The following CLPB variants were observed in gnomAD, a reference collection of about 807,000 sequenced individuals.
CLPB encodes the protein ClpB family mitochondrial disaggregase, also known as mitochondrial disaggregase.
In CLPB, 40 loss-of-function variants were observed where a neutral mutation model predicts 78.4. The observed-to-expected ratio is 0.51, with a 90% CI of 0.40 to 0.66. The LOEUF is 0.66. Ranked by LOEUF, CLPB falls within the 30% of genes least tolerant of loss-of-function variation. The pLI, the probability that CLPB is intolerant of heterozygous loss-of-function variation, is 0.00. For missense variants in CLPB, 780 were observed against 886.9 expected (o/e 0.88, Z 1.53); for synonymous variants, 333 against 348.0 (o/e 0.96, Z 0.48).
intron 6 of CLPB, among the ~76,000 whole-genome samples, chr11:72,322,725 T>G (rs75560361): frequency 0.028 from 4,191 of 152,238 alleles, 200 homozygotes; most frequent in African/African-American, 0.097. Context: ...GATCACTAGG[T>G]TAAGGTGGCG....
intron 4 of CLPB, among the ~76,000 whole-genome samples, chr11:72,378,283 G>A (rs900753391): frequency 5.3e-5 from 8 of 152,174 alleles, no homozygotes; most frequent in East Asian, 1.9e-4. Context: ...GTATTAGTTC[G>A]TTTTCATCAT....
At chr11:72,311,799 C>T (rs541179227) in intron 7 of CLPB, among the ~76,000 whole-genome samples, 1 of 152,368 alleles carries the variant, frequency 6.6e-6, no homozygotes, top group South Asian at 2.1e-4. Flanking sequence ...CAGCCTGGCT[C>T]CCTTCTCTGG....
chr11:72,425,817 A>G (rs2135153451), intron 2 of CLPB, among the ~76,000 whole-genome samples: 1 of 151,904 alleles, frequency 6.6e-6, no homozygotes, highest in East Asian at 1.9e-4. Context: ...TTCCCCTTCT[A>G]TTTACAAAGT....
intron 4 of CLPB, chr11:72,359,310 A>G: frequency 2.1e-6 from 1 of 481,696 alleles, no homozygotes; most frequent in Non-Finnish European, 4.0e-6. Flanking sequence ...AGATGTTTAT[A>G]GAACTGTTTG....
intron 5 of CLPB, among the ~76,000 whole-genome samples, chr11:72,335,437 A>G (rs904886770): frequency 1.3e-5 from 2 of 152,196 alleles, no homozygotes; most frequent in Non-Finnish European, 2.9e-5. Context: ...CCCAGCCCCA[A>G]GCTCATGGCT....
intron 2 of CLPB, chr11:72,408,049 G>T: frequency 8.4e-7 from 1 of 1,184,182 alleles, no homozygotes; most frequent in Non-Finnish European, 1.2e-6. Flanking sequence ...CAGTGTCATA[G>T]GAGTTTTAGG....
chr11:72,316,927 G>T (rs776693458), intron 7 of CLPB, among the ~76,000 whole-genome samples, 179 bp downstream of exon 7: 3 of 152,186 alleles, frequency 2.0e-5, no homozygotes, highest in Non-Finnish European at 4.4e-5. Flanking sequence ...TCAGAGGATT[G>T]CCATGAGGAT....
Position 72,287,107 on chromosome 11 carries a change from G to A in CLPB, c.*6260C>T, listed in dbSNP as rs1590745472. Reference sequence around the variant, plus strand: ...CAACTTGATTTTATTTGGGATTTTTGCATCTATGGCCATAGGTGAGATTAG... The same window carrying A: ...CAACTTGATTTTATTTGGGATTTTTACATCTATGGCCATAGGTGAGATTAG... On this transcript the variant is annotated 3_prime_UTR_variant, in exon 16 of 16. Coordinates refer to ENST00000538039, the MANE Select transcript of CLPB (RefSeq NM_001258392.3). 1.3e-5 allele frequency: 2 copies of A among 152,116 alleles called. No individual in the cohort carries two copies. The highest frequency in any genetic ancestry group is 2.9e-5 in the Non-Finnish European group (2 of 68,006). The allele number at this position is 152,116 out of a possible 1,614,324, so 9.4% of individuals were successfully genotyped here. A position where few individuals can be genotyped will look rare whatever the true frequency, so the allele number is the denominator to read the frequency against.
At chr11:72,304,788 C>T (rs985740478) in intron 9 of CLPB, among the ~76,000 whole-genome samples, 1 of 152,144 alleles carries the variant, frequency 6.6e-6, no homozygotes, top group Non-Finnish European at 1.5e-5. Context: ...CATTTCATTT[C>T]GTCAGCTGTC....
chr11:72,317,388 C>A (rs1949966971), intron 6 of CLPB, among the ~76,000 whole-genome samples, 168 bp from the exon 7 acceptor site: 1 of 152,200 alleles, frequency 6.6e-6, no homozygotes, highest in Admixed American at 6.5e-5. Flanking sequence ...ACTCTCCACT[C>A]AGGTGGCTGC....
Position 72,288,003 on chromosome 11 carries a change from T to G in CLPB, c.*5364A>C, listed in dbSNP as rs1475559800. On this transcript the variant is annotated 3_prime_UTR_variant, in exon 16 of 16. Coordinates refer to ENST00000538039, the MANE Select transcript of CLPB (RefSeq NM_001258392.3). ...TAAGTTTAGCTTTTATCTTTATTGG[T>G]CCATTTTCTATTTTTTATGGTTTAA... is the stretch of plus-strand genomic sequence containing the variant. The G allele has an allele frequency of 6.6e-6, 1 of 152,200 alleles. No individual in the cohort carries two copies. 9.4% of individuals were successfully genotyped at this position (152,200 alleles called of 1,614,324 possible). A position where few individuals can be genotyped will look rare whatever the true frequency, so the allele number is the denominator to read the frequency against.
At chr11:72,406,335 G>T (rs997209930) in intron 2 of CLPB, among the ~76,000 whole-genome samples, 2 of 152,172 alleles carry the variant, frequency 1.3e-5, no homozygotes, top group African/African-American at 4.8e-5. Flanking sequence ...AGGTAGGGCT[G>T]AAGAAAGAAG....
chr11:72,343,409 A>G (rs749955238), intron 5 of CLPB, among the ~76,000 whole-genome samples: 6 of 152,230 alleles, frequency 3.9e-5, no homozygotes, highest in Non-Finnish European at 7.3e-5. Flanking sequence ...TTCTGGGAAC[A>G]GGAACTGTTT....
At chr11:72,379,328 C>G (rs1263074887) in intron 4 of CLPB, among the ~76,000 whole-genome samples, 1 of 152,218 alleles carries the variant, frequency 6.6e-6, no homozygotes, top group African/African-American at 2.4e-5. Context: ...CTGGCAATGT[C>G]AGAGGGATCG....
At chr11:72,429,275 T>C (rs1314607643) in intron 2 of CLPB, among the ~76,000 whole-genome samples, 1 of 152,218 alleles carries the variant, frequency 6.6e-6, no homozygotes, top group Non-Finnish European at 1.5e-5. Context: ...TTTCCAAAAG[T>C]GGTTTATTAA....
intron 1 of CLPB, among the ~76,000 whole-genome samples, chr11:72,430,879 G>C (rs1374636889): frequency 6.6e-6 from 1 of 152,134 alleles, no homozygotes; most frequent in Non-Finnish European, 1.5e-5. Flanking sequence ...GAGTCTTTGA[G>C]ATCTAGCTCC....
intron 4 of CLPB, among the ~76,000 whole-genome samples, chr11:72,377,088 A>C (rs1854726682): frequency 6.6e-6 from 1 of 152,246 alleles, no homozygotes; most frequent in Non-Finnish European, 1.5e-5. Context: ...GTTATTAGAC[A>C]GGAAAATACG....
intron 2 of CLPB, chr11:72,429,232 T>C (rs1055501299): frequency 2.0e-5 from 3 of 152,212 alleles, no homozygotes; most frequent in Admixed American, 6.5e-5. Flanking sequence ...CTCCAACATA[T>C]TTATTTGGCT....
At chr11:72,342,310 C>A (rs1950435288) in intron 5 of CLPB, among the ~76,000 whole-genome samples, 1 of 152,098 alleles carries the variant, frequency 6.6e-6, no homozygotes, top group East Asian at 1.9e-4. Flanking sequence ...TCAAACATAA[C>A]AGAGTTAGAC....
Sources: gnomAD v4.1 joint callset for allele counts (sites outside exome capture counted in the v4.1 genomes callset) on GRCh38, gnomAD v4.1.1 for gene constraint, MANE v1.5 for transcripts, NCBI Gene and HGNC (gene_info 2026-07-23, HGNC 2026-07-21) for gene names.